The following GGACT variants were observed in gnomAD, a reference collection of about 807,000 sequenced individuals.
The protein encoded by GGACT is gamma-glutamylamine cyclotransferase.
For synonymous variants in GGACT, 118 were observed against 115.3 expected (o/e 1.02, Z -0.15); for missense variants, 241 against 233.2 (o/e 1.03, Z -0.22).
At chr13:100,556,045 G>A (rs1417069903) in intron 2 of GGACT, among the ~76,000 whole-genome samples, 2 of 152,216 alleles carry the variant, frequency 1.3e-5, no homozygotes, top group African/African-American at 4.8e-5. Flanking sequence ...TCTTTGTAGT[G>A]AATAATCAAG....
At chr13:100,548,102 G>A (rs1352646046) in intron 2 of GGACT, among the ~76,000 whole-genome samples, 1 of 152,228 alleles carries the variant, frequency 6.6e-6, no homozygotes, top group African/African-American at 2.4e-5. Flanking sequence ...GCTGATGGCA[G>A]GCAACTTCTC....
At position 100,530,421 on chromosome 13, in the gene GGACT, G is replaced by A. The variant is rs2088325654; in HGVS notation, c.*1709C>T. 1.7e-6 allele frequency: 1 copy of A among 574,188 alleles called. No homozygotes were observed. Among genetic ancestry groups the A allele is most frequent in the Non-Finnish European group, 3.1e-6 (1 of 320,902 alleles). The allele number at this position is 574,188 out of a possible 1,614,324, so 35.6% of individuals were successfully genotyped here. A position where few individuals can be genotyped will look rare whatever the true frequency, so the allele number is the denominator to read the frequency against. On this transcript the variant is annotated 3_prime_UTR_variant, in exon 3 of 3. Transcript: ENST00000683975. ...GTGTCAAAATTAAATCAATAAAACT[G>A]AGCATTTGTCTAAATATTAGTTTGC...
At chr13:100,556,116 C>T (rs538846463) in intron 2 of GGACT, among the ~76,000 whole-genome samples, 55 of 152,254 alleles carry the variant, frequency 3.6e-4, no homozygotes, top group Non-Finnish European at 4.7e-4. Context: ...TCTAAATCCT[C>T]GAGGTTCTAG....
rs1432052352 is a variant in GGACT, at chr13:100,530,486, GCTCTGCCAGTAGA to G, written c.*1631_*1643del. Reference sequence around the variant, plus strand: ...AAGACAATGTACACATAGGCGACAGGCTCTGCCAGTAGACTACCAGCATTTCTTTGTGATCCTT... The same window carrying G: ...AAGACAATGTACACATAGGCGACAGGCTACCAGCATTTCTTTGTGATCCTT... On this transcript the variant is annotated 3_prime_UTR_variant, in exon 3 of 3. Coordinates refer to ENST00000683975, the MANE Select transcript of GGACT (RefSeq NM_001195087.2). 4.5e-6 allele frequency: 2 copies of G among 443,720 alleles called. No homozygotes were observed. Among genetic ancestry groups the G allele is most frequent in the East Asian group, 9.3e-5 (2 of 21,548 alleles). The allele number at this position is 443,720 out of a possible 1,614,324, so 27.5% of individuals were successfully genotyped here. A position where few individuals can be genotyped will look rare whatever the true frequency, so the allele number is the denominator to read the frequency against.
In GGACT at chr13:100,530,782, G is replaced by C. The variant is rs902043961; in HGVS notation, c.*1348C>G. 5.9e-6 allele frequency: 1 copy of C among 169,302 alleles called. No homozygotes were observed. The highest frequency in any genetic ancestry group is 2.4e-5 in the African/African-American group (1 of 41,556). 10.5% of individuals were successfully genotyped at this position (169,302 alleles called of 1,614,324 possible). ...CCTGAAGCTTCCTGGTTGGCCGGGGGTGCTGTCTCCACTGTTTTTGTTTGT... is the reference window on the plus strand; with the variant it reads ...CCTGAAGCTTCCTGGTTGGCCGGGGCTGCTGTCTCCACTGTTTTTGTTTGT... On this transcript the variant is annotated 3_prime_UTR_variant, in exon 3 of 3. Transcript: ENST00000683975.
chr13:100,535,867 A>G (rs1271181064), intron 2 of GGACT: 1 of 151,900 alleles, frequency 6.6e-6, no homozygotes, highest in Non-Finnish European at 1.5e-5. Flanking sequence ...TTCTGAGAGC[A>G]TGGCCAGAAC....
chr13:100,540,712 GTTCCTT>G (rs2088544698), intron 2 of GGACT, among the ~76,000 whole-genome samples: 1 of 152,028 alleles, frequency 6.6e-6, no homozygotes, highest in Non-Finnish European at 1.5e-5. Flanking sequence ...TTGTACTCTT[GTTCCTT>G]GTCTCTCATG....
chr13:100,540,102 T>C (rs2088538127), intron 2 of GGACT: 1 of 1,563,524 alleles, frequency 6.4e-7, no homozygotes, highest in Non-Finnish European at 8.7e-7. Flanking sequence ...TGTCCCTGAC[T>C]GCTGCGGCCT....
intron 2 of GGACT, among the ~76,000 whole-genome samples, chr13:100,568,477 A>C (rs1360250387): frequency 1.3e-5 from 2 of 152,252 alleles, no homozygotes; most frequent in Non-Finnish European, 2.9e-5. Flanking sequence ...TGTGAGAACT[A>C]ACTCACTATC....
chr13:100,532,780 A>T (rs2088433745), intron 2 of GGACT, among the ~76,000 whole-genome samples, 179 bp from the exon 3 acceptor site: 1 of 152,242 alleles, frequency 6.6e-6, no homozygotes, highest in Non-Finnish European at 1.5e-5. Flanking sequence ...GTTTTCACAC[A>T]TCATGAGATA....
chr13:100,548,656 A>T (rs2088629999), intron 2 of GGACT, among the ~76,000 whole-genome samples: 1 of 152,254 alleles, frequency 6.6e-6, no homozygotes, highest in Non-Finnish European at 1.5e-5. Flanking sequence ...GGGTACAAAA[A>T]TAGTGAGATC....
intron 2 of GGACT, among the ~76,000 whole-genome samples, chr13:100,544,449 G>A (rs2088586180): frequency 6.6e-6 from 1 of 152,220 alleles, no homozygotes; most frequent in Non-Finnish European, 1.5e-5. Context: ...AAAGGCAAGG[G>A]CTTCCTGCTA....
chr13:100,571,032 C>T (rs546255681), intron 2 of GGACT, among the ~76,000 whole-genome samples: 15 of 151,996 alleles, frequency 9.9e-5, no homozygotes, highest in Non-Finnish European at 2.2e-4. Context: ...AAACACAGTG[C>T]CAGAATGGAT....
In GGACT at chr13:100,532,574, C is replaced by T; in HGVS notation, c.18G>A (p.Val6=). MALVF[V]YGTLKRGQPN... is the part of the protein sequence containing the mutation. ...GCTGACCCCGCTTCAGGGTGCCGTA[C>T]ACGAAGACTAGGGCCATCCGGGCAG... is the stretch of plus-strand genomic sequence containing the variant. The change falls in exon 3 of 3, where the codon GTG becomes GTA. Residue 6 remains valine, a synonymous_variant. Transcript: ENST00000683975. 1.3e-6 allele frequency: 2 copies of T among 1,545,550 alleles called. No individual in the cohort carries two copies. The highest frequency in any genetic ancestry group is 1.7e-6 in the Non-Finnish European group (2 of 1,143,816).
intron 2 of GGACT, among the ~76,000 whole-genome samples, chr13:100,565,837 T>A (rs1314739626): frequency 6.6e-6 from 1 of 152,134 alleles, no homozygotes; most frequent in Non-Finnish European, 1.5e-5. Context: ...CCCTGTGTGA[T>A]TCCTGCCCCT....
chr13:100,558,787 ACCT>A (rs1280033063), intron 2 of GGACT, among the ~76,000 whole-genome samples: 38 of 152,088 alleles, frequency 2.5e-4, no homozygotes. Context: ...GAAAAACCTG[ACCT>A]CCTAGGAGCA....
At chr13:100,554,219 C>T (rs975316605) in intron 2 of GGACT, among the ~76,000 whole-genome samples, 4 of 152,144 alleles carry the variant, frequency 2.6e-5, no homozygotes, top group Admixed American at 2.0e-4. Context: ...TTATGTTCCC[C>T]CAGGGGATGA....
chr13:100,581,693 G>C (rs1443195250), intron 2 of GGACT, among the ~76,000 whole-genome samples: 1 of 152,182 alleles, frequency 6.6e-6, no homozygotes, highest in Non-Finnish European at 1.5e-5. Flanking sequence ...TCAGAGCACA[G>C]TATGAAGGGA....
intron 2 of GGACT, among the ~76,000 whole-genome samples, chr13:100,575,948 G>C (rs971874203): frequency 6.6e-6 from 1 of 152,166 alleles, no homozygotes; most frequent in Non-Finnish European, 1.5e-5. Context: ...GGTCAAACAG[G>C]AATGAGATGC....
Sources: allele counts gnomAD v4.1 joint callset (sites outside exome capture counted in the v4.1 genomes callset), GRCh38; gene constraint gnomAD v4.1.1; transcripts MANE v1.5; gene names NCBI Gene and HGNC (gene_info 2026-07-23, HGNC 2026-07-21).